CSMD1: variants seen among roughly 807,000 people sequenced by gnomAD.
CSMD1 encodes the protein CUB and Sushi multiple domains 1.
Under a neutral mutation model 417.5 loss-of-function variants are expected in CSMD1, and 213 were observed. The observed-to-expected ratio is 0.51, with a 90% CI of 0.46 to 0.57. The LOEUF (loss-of-function observed/expected upper bound fraction) is 0.57. Ranked by LOEUF, CSMD1 falls within the 20% of genes least tolerant of loss-of-function variation. CSMD1 has a pLI of 0.00. For missense variants in CSMD1, 6,923 were observed against 4,529.7 expected (o/e 1.53, Z -15.17); for synonymous variants, 2,862 against 1,736.8 (o/e 1.65, Z -16.11).
intron 7 of CSMD1, among the ~76,000 whole-genome samples, chr8:3,694,016 A>ATGTGTGTTG (rs1800403196): frequency 2.3e-5 from 2 of 87,518 alleles, no homozygotes; most frequent in Admixed American, 1.5e-4. Flanking sequence ...GTGTTGGGGT[A>ATGTGTGTTG]TTATGTGTTG....
chr8:3,732,123 G>A (rs1796303423), intron 6 of CSMD1, among the ~76,000 whole-genome samples: 1 of 152,150 alleles, frequency 6.6e-6, no homozygotes, highest in African/African-American at 2.4e-5. Context: ...TGGAGGAGAG[G>A]GCTCCTAGCG....
Position 4,117,990 on chromosome 8 carries a change from C to G in CSMD1, c.416-85891G>C, listed in dbSNP as rs534348661. ...GCAGTGTACAAAGGACAAGAGCAGG[C>G]ACATGAGAAATGACATAGGTAAAAA... is the stretch of plus-strand genomic sequence containing the variant. On this transcript the variant is annotated intron_variant, in intron 3 of 69. Transcript: ENST00000635120. Among the ~76,000 whole-genome samples, 8 of 148,590 alleles carry G rather than the reference C, an allele frequency of 5.4e-5. No homozygotes were observed. The South Asian group carries it at 1.5e-3, about 27-fold the overall frequency.
intron 49 of CSMD1, among the ~76,000 whole-genome samples, chr8:3,077,701 G>A (rs564566949): frequency 1.3e-5 from 2 of 152,304 alleles, no homozygotes; most frequent in South Asian, 2.1e-4. Flanking sequence ...CCCCGACCCC[G>A]GCTTGCCTAC....
chr8:4,211,884 A>G (rs1800333011), intron 3 of CSMD1, among the ~76,000 whole-genome samples: 1 of 152,180 alleles, frequency 6.6e-6, no homozygotes, highest in African/African-American at 2.4e-5. Context: ...CATCATATCT[A>G]CAGAAAACAT....
At chr8:4,948,560 A>G (rs1299144885) in intron 1 of CSMD1, among the ~76,000 whole-genome samples, 1 of 152,082 alleles carries the variant, frequency 6.6e-6, no homozygotes, top group Admixed American at 6.6e-5. Context: ...TAGAAAATTT[A>G]TTCATAGTAC....
At chr8:4,807,485 C>T (rs930102285) in intron 1 of CSMD1, among the ~76,000 whole-genome samples, 4 of 152,122 alleles carry the variant, frequency 2.6e-5, no homozygotes, top group Non-Finnish European at 5.9e-5. Context: ...CCAAGCTGAG[C>T]CCAGCCCATC....
In CSMD1 at chr8:3,985,553, C is replaced by T. The variant is rs1194998917; in HGVS notation, c.818+12350G>A. Among the ~76,000 whole-genome samples, 4 of 152,192 alleles carry T rather than the reference C, an allele frequency of 2.6e-5. No individual in the cohort carries two copies. The Middle Eastern group carries it at 0.01, about 388-fold the overall frequency. On this transcript the variant is annotated intron_variant, in intron 5 of 69. Transcript: ENST00000635120. ...ACACATCATTTTACTCCATGGATTG[C>T]TCTACTATGGAATAATAACAGTTTC...
At chr8:3,109,976 C>A (rs1158486265) in intron 43 of CSMD1, among the ~76,000 whole-genome samples, 182 bp downstream of exon 43, 1 of 152,136 alleles carries the variant, frequency 6.6e-6, no homozygotes, top group Non-Finnish European at 1.5e-5. Flanking sequence ...TACCATGTAG[C>A]AAAACCCACA....
rs531244344 is a variant in CSMD1 at position 3,670,686 on chromosome 8, T to C, written c.1009+37728A>G. On this transcript the variant is annotated intron_variant, in intron 7 of 69. Coordinates refer to ENST00000635120, the MANE Select transcript of CSMD1 (RefSeq NM_033225.6). Reference sequence around the variant, plus strand: ...ATATATGTACATGGTTATATATGTATGGGATATATGTATATGGGATATATA... The same window carrying C: ...ATATATGTACATGGTTATATATGTACGGGATATATGTATATGGGATATATA... Among the ~76,000 whole-genome samples the C allele has an allele frequency of 3.4e-5, 5 of 148,676 alleles. No individual in the cohort carries two copies. The South Asian group carries it at 8.5e-4, about 25-fold the overall frequency.
chr8:4,186,585 G>T (rs562976743), intron 3 of CSMD1, among the ~76,000 whole-genome samples: 1 of 152,152 alleles, frequency 6.6e-6, no homozygotes, highest in Non-Finnish European at 1.5e-5. Context: ...TCTCAGCATT[G>T]CTAATGTCAA....
chr8:4,078,376 G>A (rs955580892), intron 3 of CSMD1, among the ~76,000 whole-genome samples: 6 of 146,530 alleles, frequency 4.1e-5, no homozygotes, highest in Non-Finnish European at 8.9e-5. Context: ...GTGCAGTGGC[G>A]TGATCTCGAC....
At chr8:4,931,346 T>C (rs1429291881) in intron 1 of CSMD1, among the ~76,000 whole-genome samples, 1 of 152,160 alleles carries the variant, frequency 6.6e-6, no homozygotes, top group Non-Finnish European at 1.5e-5. Context: ...TCCCATCCCT[T>C]TGATATTAGG....
At chr8:4,881,856 G>C (rs2116959311) in intron 1 of CSMD1, among the ~76,000 whole-genome samples, 1 of 152,060 alleles carries the variant, frequency 6.6e-6, no homozygotes, top group East Asian at 1.9e-4. Flanking sequence ...GCATTATTTT[G>C]TTTTGTTATT....
chr8:4,034,825 C>T (rs1797532639), intron 3 of CSMD1, among the ~76,000 whole-genome samples: 1 of 152,154 alleles, frequency 6.6e-6, no homozygotes, highest in Non-Finnish European at 1.5e-5. Context: ...CATTTTCCAA[C>T]AGAAGGTGTC....
intron 1 of CSMD1, among the ~76,000 whole-genome samples, chr8:4,882,393 G>A (rs555014552): frequency 2.0e-5 from 3 of 151,834 alleles, no homozygotes; most frequent in Admixed American, 2.0e-4. Context: ...AGAGTATTGG[G>A]GAGCGAGTTT....
intron 10 of CSMD1, among the ~76,000 whole-genome samples, chr8:3,547,794 A>G (rs1214985030): frequency 6.6e-6 from 1 of 152,186 alleles, no homozygotes; most frequent in Non-Finnish European, 1.5e-5. Context: ...TTTAAGATTT[A>G]TGAAAAGAAA....
At chr8:3,378,991 G>C (rs560993094) in intron 18 of CSMD1, among the ~76,000 whole-genome samples, 9 of 152,140 alleles carry the variant, frequency 5.9e-5, no homozygotes, top group Non-Finnish European at 8.8e-5. Flanking sequence ...TGTATATTTA[G>C]AAAACCCCAT....
chr8:4,670,460 G>C (rs781549438), intron 1 of CSMD1, among the ~76,000 whole-genome samples: 2 of 152,310 alleles, frequency 1.3e-5, no homozygotes, highest in Middle Eastern at 3.4e-3. Flanking sequence ...CTGTGAGCTA[G>C]ATACGTGGTG....
chr8:3,181,168 G>A lies in CSMD1; in HGVS notation c.5667C>T (p.Tyr1889=). The A allele has an allele frequency of 6.2e-7, 1 of 1,613,942 alleles. No homozygotes were observed. The highest frequency in any genetic ancestry group is 8.5e-7 in the Non-Finnish European group (1 of 1,179,848). Residue 1889 remains tyrosine, a synonymous_variant, in exon 37 of 70, where the codon TAC becomes TAT. Transcript: ENST00000635120. ...ALLNSTSNQL[Y]LHFQSDISVA... ...CACTAATGTCAGACTGGAAATGCAG[G>A]TAGAGTTGGTTGGAAGTACTGTTCA...
Sources: gnomAD v4.1 joint callset for allele counts (sites outside exome capture counted in the v4.1 genomes callset) on GRCh38, gnomAD v4.1.1 for gene constraint, MANE v1.5 for transcripts, NCBI Gene and HGNC (gene_info 2026-07-23, HGNC 2026-07-21) for gene names.